Variants in PKP4 observed in about 807,000 individuals in gnomAD.
PKP4 encodes the protein plakophilin 4.
Under a neutral mutation model 145.1 loss-of-function variants are expected in PKP4, and 90 were observed. That is an observed-to-expected ratio of 0.62 (90% CI 0.52 to 0.74). The LOEUF (loss-of-function observed/expected upper bound fraction) is 0.74, where lower values mean the gene tolerates loss of function less well. Ranked by LOEUF, PKP4 falls within the 30% of genes least tolerant of loss-of-function variation. The probability of loss-of-function intolerance (pLI) is 0.00; values close to 1 mark genes in which losing one functional copy is unlikely to be tolerated. For missense variants in PKP4, 1,340 were observed against 1,482.7 expected (o/e 0.90, Z 1.58); for synonymous variants, 563 against 577.2 (o/e 0.98, Z 0.35).
At chr2:158,458,626 G>GC (rs1421433428) in intron 1 of PKP4, among the ~76,000 whole-genome samples, 2 of 152,214 alleles carry the variant, frequency 1.3e-5, no homozygotes. Flanking sequence ...ATCAAAAAAT[G>GC]CCTGTTAGTG....
intron 16 of PKP4, among the ~76,000 whole-genome samples, chr2:158,668,841 C>T (rs897176989): frequency 2.6e-5 from 4 of 152,156 alleles, no homozygotes; most frequent in South Asian, 2.1e-4. Context: ...TTATAAAAAG[C>T]GATTGCACAT....
chr2:158,641,436 TTA>T (rs1435861832), intron 10 of PKP4, among the ~76,000 whole-genome samples: 3 of 152,196 alleles, frequency 2.0e-5, no homozygotes, highest in Admixed American at 2.0e-4. Context: ...TATAAATAAG[TTA>T]TAGAGGATTA....
intron 2 of PKP4, among the ~76,000 whole-genome samples, chr2:158,572,226 T>A (rs2047469723): frequency 6.6e-6 from 1 of 152,114 alleles, no homozygotes; most frequent in South Asian, 2.1e-4. Flanking sequence ...AGAGAAATAG[T>A]GAATTGAAGG....
intron 1 of PKP4, among the ~76,000 whole-genome samples, chr2:158,458,998 C>A (rs1483122674): frequency 6.6e-6 from 1 of 151,852 alleles, no homozygotes; most frequent in African/African-American, 2.4e-5. Context: ...CGTGTAAAAT[C>A]AATGATGGCT....
chr2:158,538,647 C>T (rs966052508), intron 2 of PKP4, among the ~76,000 whole-genome samples: 2 of 150,410 alleles, frequency 1.3e-5, no homozygotes, highest in Non-Finnish European at 2.9e-5. Flanking sequence ...TCAAGCAACT[C>T]TTCTGCCTCA....
intron 9 of PKP4, among the ~76,000 whole-genome samples, chr2:158,636,512 C>A (rs1182723813): frequency 6.6e-6 from 1 of 152,028 alleles, no homozygotes; most frequent in African/African-American, 2.4e-5. Flanking sequence ...TTGCATTTAA[C>A]CTGCTTAGGG....
At chr2:158,677,116 C>A in intron 20 of PKP4, 1 of 474,816 alleles carries the variant, frequency 2.1e-6, no homozygotes, top group South Asian at 2.0e-5. Context: ...AAAAAGAGGG[C>A]TGTATCCAAA....
At chr2:158,676,656 T>A (rs2058035527) in intron 19 of PKP4, 83 bp from the exon 20 acceptor site, 4 of 1,516,040 alleles carry the variant, frequency 2.6e-6, no homozygotes, top group Non-Finnish European at 3.7e-6. Flanking sequence ...GAGCTTTGTG[T>A]TTCTGGAGAG....
intron 3 of PKP4, among the ~76,000 whole-genome samples, chr2:158,602,527 C>A (rs1195148800): frequency 6.6e-6 from 1 of 152,104 alleles, no homozygotes; most frequent in African/African-American, 2.4e-5. Flanking sequence ...TTTAAATGCA[C>A]CCTCTAATAA....
intron 3 of PKP4, among the ~76,000 whole-genome samples, chr2:158,602,561 C>T (rs1034633727): frequency 2.6e-5 from 4 of 152,132 alleles, no homozygotes; most frequent in Non-Finnish European, 4.4e-5. Context: ...ATAGCTGTCA[C>T]TTTATCCTGG....
chr2:158,578,907 T>TGTAGGAGATGAG (rs1323056754), intron 3 of PKP4, among the ~76,000 whole-genome samples: 1 of 152,186 alleles, frequency 6.6e-6, no homozygotes, highest in Admixed American at 6.5e-5. Context: ...GAGCTACCTC[T>TGTAGGAGATGAG]GTAGGAGATG....
intron 2 of PKP4, among the ~76,000 whole-genome samples, chr2:158,570,127 A>G (rs1240666701): frequency 6.6e-6 from 1 of 152,240 alleles, no homozygotes; most frequent in Non-Finnish European, 1.5e-5. Context: ...AAATTGTGGT[A>G]GATGGTCAGG....
Position 158,669,714 on chromosome 2 carries a change from T to A in PKP4, c.2729-6T>A. The A allele has an allele frequency of 6.5e-7, 1 of 1,531,876 alleles. No homozygotes were observed. Among genetic ancestry groups the A allele is most frequent in the Non-Finnish European group, 8.8e-7 (1 of 1,133,078 alleles). The allele number at this position is 1,531,876 out of a possible 1,614,324, so 94.9% of individuals were successfully genotyped here. A position where few individuals can be genotyped will look rare whatever the true frequency, so the allele number is the denominator to read the frequency against. ...GAAGTAGAATTTACTCTTTTGCCGT[T>A]GGCAGGCAAATACGCCATGCGAGAC... On this transcript the variant is annotated splice_region_variant and splice_polypyrimidine_tract_variant and intron_variant, in intron 16 of 21. Transcript: ENST00000389759.
At position 158,634,172 on chromosome 2, in the gene PKP4, A is replaced by G. The variant is rs748643153; in HGVS notation, c.1445A>G (p.Tyr482Cys). The change falls in exon 9 of 22, where the codon TAC (tyrosine) becomes TGC (cysteine). Residue 482 changes from tyrosine (Y) to cysteine (C), a missense_variant. Transcript: ENST00000389759. ...ACAACAGCTACCTACGCGGAGCCCT[A>G]CAGGCCTATACAATACCGAGTGCAA... ...LNTTATYAEPYRPIQYRVQEC... is the reference protein window; with the variant it reads ...LNTTATYAEPCRPIQYRVQEC... 2 of 1,614,044 alleles carry G rather than the reference A, an allele frequency of 1.2e-6. No homozygotes were observed. The highest frequency in any genetic ancestry group is 1.7e-6 in the Non-Finnish European group (2 of 1,179,908).
chr2:158,625,790 A>G (rs2052721777), intron 7 of PKP4, among the ~76,000 whole-genome samples: 1 of 152,164 alleles, frequency 6.6e-6, no homozygotes. Context: ...ACCCCTAAAC[A>G]TACCCTAAAG....
chr2:158,587,413 A>G (rs986184141), intron 3 of PKP4, among the ~76,000 whole-genome samples: 1 of 152,092 alleles, frequency 6.6e-6, no homozygotes, highest in Non-Finnish European at 1.5e-5. Context: ...AATAAGAATT[A>G]TAATATTAGC....
chr2:158,525,896 A>C (rs1174081531), intron 1 of PKP4, among the ~76,000 whole-genome samples: 4 of 150,978 alleles, frequency 2.6e-5, no homozygotes, highest in South Asian at 2.1e-4. Flanking sequence ...GAAATGGATA[A>C]ATTCCTCGAC....
At chr2:158,533,642 A>T in intron 2 of PKP4, 1 of 379,392 alleles carries the variant, frequency 2.6e-6, no homozygotes, top group South Asian at 2.1e-5. Context: ...TGACTTTTCT[A>T]TCAGGACTCT....
intron 17 of PKP4, among the ~76,000 whole-genome samples, chr2:158,671,210 T>C (rs2057528111): frequency 6.6e-6 from 1 of 152,204 alleles, no homozygotes; most frequent in Non-Finnish European, 1.5e-5. Flanking sequence ...GGAACTCACA[T>C]TACATCTCAT....
Sources: allele counts gnomAD v4.1 joint callset (sites outside exome capture counted in the v4.1 genomes callset), GRCh38; gene constraint gnomAD v4.1.1; transcripts MANE v1.5; gene names NCBI Gene and HGNC (gene_info 2026-07-23, HGNC 2026-07-21).